Variants in DNAJB1 observed in about 807,000 individuals in gnomAD.
DNAJB1 encodes the protein dnaJ homolog subfamily B member 1.
DNAJB1 carries 14 observed loss-of-function variants against 24.0 expected under a neutral mutation model. That is an observed-to-expected ratio of 0.58 (90% CI 0.39 to 0.91). The LOEUF (loss-of-function observed/expected upper bound fraction) is 0.91, where lower values mean the gene tolerates loss of function less well. Among genes scored for constraint, DNAJB1 ranks in the 40% least tolerant of loss-of-function variants. The pLI, the probability that DNAJB1 is intolerant of heterozygous loss-of-function variation, is 0.00. For missense variants in DNAJB1, 517 were observed against 458.1 expected, an observed-to-expected ratio of 1.13 and a Z score of -1.17; for synonymous variants, 262 against 174.4, an observed-to-expected ratio of 1.50 and a Z score of -3.96.
At chr19:14,529,622 C>T (rs768392033), upstream of DNAJB1, 8 of 1,610,492 alleles carry the variant, frequency 5.0e-6, no homozygotes, top group Non-Finnish European at 6.8e-6. Context: ...GTTGCGAGCG[C>T]TGTAGGGAGC....
At chr19:14,518,486 C>G (rs538551509), upstream of DNAJB1, 37 of 627,732 alleles carry the variant, frequency 5.9e-5, no homozygotes, top group South Asian at 1.5e-3. Flanking sequence ...GCCCCGCCCG[C>G]CCCCGCGGCG....
upstream of DNAJB1, chr19:14,530,138 C>T (rs765383436): frequency 2.2e-5 from 5 of 226,552 alleles, no homozygotes; most frequent in Non-Finnish European, 4.6e-5. Context: ...TTGTGTACGA[C>T]CTTTGGACCC....
chr19:14,549,788 C>T (rs577570932), intron 1 of DNAJB1, among the ~76,000 whole-genome samples: 1 of 151,822 alleles, frequency 6.6e-6, no homozygotes, highest in African/African-American at 2.4e-5. Context: ...ACTAAAAATA[C>T]AAAAATTAGC....
At chr19:14,537,576 C>G (rs1008168096) in intron 1 of DNAJB1, among the ~76,000 whole-genome samples, 1 of 152,076 alleles carries the variant, frequency 6.6e-6, no homozygotes, top group Admixed American at 6.6e-5. Flanking sequence ...TGAGAAAGGC[C>G]AGAGACCTTG....
chr19:14,532,832 G>A (rs1209143832), upstream of DNAJB1, among the ~76,000 whole-genome samples: 2 of 151,928 alleles, frequency 1.3e-5, no homozygotes, highest in African/African-American at 2.4e-5. Flanking sequence ...ATTTCTGGCC[G>A]GGCGAGGTGG....
At chr19:14,543,574 G>A (rs2073200926) in intron 1 of DNAJB1, among the ~76,000 whole-genome samples, 1 of 146,608 alleles carries the variant, frequency 6.8e-6, no homozygotes, top group African/African-American at 2.5e-5. Flanking sequence ...GAGTAGCTGG[G>A]ACTACAGGCG....
At chr19:14,543,439 T>G (rs1446958639) in intron 1 of DNAJB1, among the ~76,000 whole-genome samples, 1 of 49,918 alleles carries the variant, frequency 2.0e-5, no homozygotes, top group Non-Finnish European at 4.6e-5. Flanking sequence ...TTTTTTTTTT[T>G]TTTTTTTTTT....
upstream of DNAJB1, among the ~76,000 whole-genome samples, chr19:14,551,835 C>G (rs2146603262): frequency 6.6e-6 from 1 of 151,602 alleles, no homozygotes; most frequent in African/African-American, 2.4e-5. Flanking sequence ...TTTTGTTTTT[C>G]TTTTGTTTGG....
intron 2 of DNAJB1, among the ~76,000 whole-genome samples, chr19:14,525,499 C>T (rs1050088341): frequency 4.0e-5 from 6 of 151,734 alleles, no homozygotes; most frequent in African/African-American, 1.2e-4. Context: ...GAATGAGCTA[C>T]GGATACAAAA....
chr19:14,518,118 C>T (rs569496870), intron 1 of DNAJB1, 21 bp downstream of exon 1: 2 of 1,470,754 alleles, frequency 1.4e-6, no homozygotes, highest in South Asian at 1.3e-5. Flanking sequence ...CGGGGCCGCG[C>T]CCCTGGCCGC....
At chr19:14,551,912 CCCCT>C (rs1181039456), upstream of DNAJB1, among the ~76,000 whole-genome samples, 257 of 124,556 alleles carry the variant, frequency 2.1e-3, no homozygotes, top group African/African-American at 7.4e-3. Context: ...TCTCTCTCTC[CCCCT>C]CCCTCCCTCC....
rs747857356 is a variant in DNAJB1, at chr19:14,518,365, C to T, written c.-16G>A. The T allele has an allele frequency of 5.2e-6, 8 of 1,535,010 alleles. No individual in the cohort carries two copies. Among genetic ancestry groups the T allele is most frequent in the East Asian group, 4.7e-5 (2 of 42,732 alleles). On this transcript the variant is annotated 5_prime_UTR_variant, in exon 1 of 3. Coordinates refer to ENST00000254322, the MANE Select transcript of DNAJB1 (RefSeq NM_006145.3). ...CTTTACCCATGACCCCCTCCTGCGG[C>T]CCGCCGACCCGCTGTCGCCGTCCCC...
chr19:14,550,987 G>A (rs1488075021), upstream of DNAJB1, among the ~76,000 whole-genome samples: 2 of 150,922 alleles, frequency 1.3e-5, no homozygotes, highest in African/African-American at 2.4e-5. Flanking sequence ...TTTTACTTAT[G>A]AGGACACTCC....
chr19:14,527,690 TGCCTCC>T (rs1044641640), intron 2 of DNAJB1: 3 of 152,216 alleles, frequency 2.0e-5, no homozygotes, highest in African/African-American at 7.2e-5. Flanking sequence ...GACTCACCCT[TGCCTCC>T]GCCTGCTCCC....
chr19:14,558,494 G>A (rs1407466880), intron 1 of DNAJB1, among the ~76,000 whole-genome samples: 1 of 152,164 alleles, frequency 6.6e-6, no homozygotes, highest in East Asian at 1.9e-4. Flanking sequence ...AGTTGCTGTT[G>A]GCTGGGCCCC....
upstream of DNAJB1, among the ~76,000 whole-genome samples, chr19:14,518,921 TC>T (rs2072330247): frequency 6.6e-6 from 1 of 152,156 alleles, no homozygotes; most frequent in South Asian, 2.1e-4. Context: ...CCCCCTTCTA[TC>T]TACAACATGG....
upstream of DNAJB1, among the ~76,000 whole-genome samples, chr19:14,520,752 A>T (rs1458949868): frequency 1.3e-5 from 2 of 152,176 alleles, no homozygotes; most frequent in Non-Finnish European, 2.9e-5. Flanking sequence ...CATTCTGGGA[A>T]GGTGAGGTGG....
chr19:14,517,089 ACT>A (rs1178004000), intron 1 of DNAJB1, 43 bp from the exon 2 acceptor site: 24 of 1,552,782 alleles, frequency 1.5e-5, no homozygotes, highest in Non-Finnish European at 1.7e-5. Context: ...TGAACAGCAG[ACT>A]CTCTCTCGAG....
chr19:14,526,256 C>T (rs1440262785), intron 2 of DNAJB1, among the ~76,000 whole-genome samples: 2 of 152,192 alleles, frequency 1.3e-5, no homozygotes, highest in African/African-American at 4.8e-5. Flanking sequence ...ATCTACCAGT[C>T]ACCATTGTGA....
Sources: gnomAD v4.1 joint callset for allele counts (sites outside exome capture counted in the v4.1 genomes callset) on GRCh38, gnomAD v4.1.1 for gene constraint, MANE v1.5 for transcripts, NCBI Gene and HGNC (gene_info 2026-07-23, HGNC 2026-07-21) for gene names.